Variants in MTUS1 observed in about 807,000 individuals in gnomAD.
MTUS1 encodes the protein microtubule-associated tumor suppressor 1.
A neutral mutation model predicts 120.8 loss-of-function variants in MTUS1; 109 were observed. That is an observed-to-expected ratio of 0.90 (90% confidence interval 0.77 to 1.06). The LOEUF is 1.06. Ranked by LOEUF, MTUS1 falls within the 50% of genes least tolerant of loss-of-function variation. MTUS1 has a pLI of 0.00. For missense variants in MTUS1, 2,210 were observed against 1,486.3 expected (o/e 1.49, Z -8.01); for synonymous variants, 737 against 550.5 (o/e 1.34, Z -4.74).
intron 4 of MTUS1, among the ~76,000 whole-genome samples, chr8:17,716,995 T>C (rs1310422076): frequency 1.1e-4 from 17 of 152,240 alleles, no homozygotes; most frequent in Admixed American, 6.5e-4. Context: ...GATACCTACC[T>C]TGTTTACAAA....
intron 13 of MTUS1, 73 bp from the exon 14 acceptor site, chr8:17,647,152 C>A (rs184419496): frequency 3.6e-6 from 4 of 1,122,636 alleles, no homozygotes; most frequent in Non-Finnish European, 4.0e-6. Context: ...AGGCACCTCA[C>A]GACACAAGCA....
chr8:17,788,823 T>A (rs1401146236), intron 1 of MTUS1, among the ~76,000 whole-genome samples: 2 of 152,134 alleles, frequency 1.3e-5, no homozygotes, highest in East Asian at 1.9e-4. Flanking sequence ...ACCTTTGTCA[T>A]GAAAATCAGT....
rs1280557510 is a variant in MTUS1 at position 17,644,954 on chromosome 8, G to C, written c.*972C>G. 1 of 152,336 alleles carries C rather than the reference G, an allele frequency of 6.6e-6. No individual in the cohort carries two copies. The highest frequency in any genetic ancestry group is 1.5e-5 in the Non-Finnish European group (1 of 68,028). 9.4% of individuals were successfully genotyped at this position (152,336 alleles called of 1,614,324 possible). ...GTGGAGAAAGGTAAAAGGAAAATGA[G>C]AATAATGGGAGGGAAGAAGACAGGT... On this transcript the variant is annotated 3_prime_UTR_variant, in exon 15 of 15. Coordinates refer to ENST00000693296, the MANE Select transcript of MTUS1 (RefSeq NM_001363059.2).
intron 4 of MTUS1, among the ~76,000 whole-genome samples, chr8:17,718,938 G>A (rs1469772054): frequency 6.6e-6 from 1 of 151,756 alleles, no homozygotes; most frequent in Non-Finnish European, 1.5e-5. Context: ...GGGAAGACAA[G>A]GTGGGCAGAT....
rs1037058827 is a variant in MTUS1 at position 17,644,632 on chromosome 8, C to T, written c.*1294G>A. 1 of 152,224 alleles carries T rather than the reference C, an allele frequency of 6.6e-6. No homozygotes were observed. The highest frequency in any genetic ancestry group is 6.5e-5 in the Admixed American group (1 of 15,272). The allele number at this position is 152,224 out of a possible 1,614,324, so 9.4% of individuals were successfully genotyped here. ...GACAAAGGGACTCCTTAAAGGGTAA[C>T]TGAAAAATGAGCGCTATCCTCCCAG... On this transcript the variant is annotated 3_prime_UTR_variant, in exon 15 of 15. Transcript: ENST00000693296.
rs554855476 is a variant in MTUS1, at chr8:17,646,088, C to T, written c.3651G>A (p.Ser1217=). ...CCATAGAGAGTCGCTTGTTGACTTT[C>T]GACTCCTTCTCCAGCGACTCTTGCA... ...AVLQESLEKE[S]KVNKRLSMEN... Residue 1217 remains serine, a synonymous_variant, in exon 15 of 15, where the codon TCG becomes TCA. Coordinates refer to ENST00000693296, the MANE Select transcript of MTUS1 (RefSeq NM_001363059.2). 15 of 1,604,064 alleles carry T rather than the reference C, an allele frequency of 9.4e-6. No individual in the cohort carries two copies. The highest frequency in any genetic ancestry group is 4.0e-5 in the African/African-American group (3 of 74,464).
At chr8:17,749,389 T>C (rs1586148778) in intron 2 of MTUS1, among the ~76,000 whole-genome samples, 2 of 152,152 alleles carry the variant, frequency 1.3e-5, no homozygotes, top group South Asian at 2.1e-4. Flanking sequence ...CTGGGGGTGG[T>C]GGCTCAAACC....
Position 17,754,888 on chromosome 8 carries a change from A to G in MTUS1, c.920T>C (p.Leu307Ser). ...ATGGGATAAACAAAAGAACTCTTGTAATGCAGAATCATTGGGGACTTCCAT... is the reference window on the plus strand; with the variant it reads ...ATGGGATAAACAAAAGAACTCTTGTGATGCAGAATCATTGGGGACTTCCAT... ...DGMEVPNDSALQEFFCLSHDE... is the reference protein window; with the variant it reads ...DGMEVPNDSASQEFFCLSHDE... Residue 307 changes from leucine to serine, a missense_variant, in exon 2 of 15, where the codon TTA becomes TCA. Coordinates refer to ENST00000693296, the MANE Select transcript of MTUS1 (RefSeq NM_001363059.2). 1 of 1,614,234 alleles carries G rather than the reference A, an allele frequency of 6.2e-7. No individual in the cohort carries two copies. Among genetic ancestry groups the G allele is most frequent in the Non-Finnish European group, 8.5e-7 (1 of 1,180,044 alleles).
intron 8 of MTUS1, among the ~76,000 whole-genome samples, chr8:17,672,731 G>A (rs1812280215): frequency 6.6e-6 from 1 of 152,182 alleles, no homozygotes; most frequent in East Asian, 1.9e-4. Context: ...GGGTGACTGG[G>A]GATCTGGATA....
At chr8:17,721,335 T>G (rs1169322175) in intron 4 of MTUS1, among the ~76,000 whole-genome samples, 3 of 152,204 alleles carry the variant, frequency 2.0e-5, no homozygotes, top group African/African-American at 4.8e-5. Context: ...AAAATAAAGA[T>G]GTGATGTTTC....
chr8:17,790,562 A>G (rs1199226300), intron 1 of MTUS1, among the ~76,000 whole-genome samples: 1 of 152,168 alleles, frequency 6.6e-6, no homozygotes, highest in Non-Finnish European at 1.5e-5. Context: ...CTAACTGTCA[A>G]TTTTTCACTT....
At chr8:17,722,405 T>G in intron 4 of MTUS1, 1 of 984,888 alleles carries the variant, frequency 1.0e-6, no homozygotes, top group Non-Finnish European at 1.2e-6. Context: ...CTTAAAATAA[T>G]ACACGTGTGA....
chr8:17,793,367 G>A (rs891775792), intron 1 of MTUS1, among the ~76,000 whole-genome samples: 2 of 152,134 alleles, frequency 1.3e-5, no homozygotes, highest in African/African-American at 4.8e-5. Context: ...TGCTGAGTAT[G>A]AAACAATGGA....
rs1271870916 is a variant in MTUS1 at position 17,649,952 on chromosome 8, T to A, written c.3395A>T (p.Gln1132Leu). Reference protein sequence around the residue: ...AREKANLKNPQIMYLEQELES... With the variant: ...AREKANLKNPLIMYLEQELES... ...TAACTCCTGTTCTAGATACATGATC[T>A]GAGGATTTTTCTGGAAAGGACACAG... The change falls in exon 13 of 15, where the codon CAG (glutamine) becomes CTG (leucine). Residue 1132 changes from glutamine (Q) to leucine (L), a missense_variant. Coordinates refer to ENST00000693296, the MANE Select transcript of MTUS1 (RefSeq NM_001363059.2). The A allele has an allele frequency of 6.3e-7, 1 of 1,590,534 alleles. No homozygotes were observed. Among genetic ancestry groups the A allele is most frequent in the Non-Finnish European group, 8.6e-7 (1 of 1,158,948 alleles).
At chr8:17,702,329 T>C (rs1359159657) in intron 6 of MTUS1, among the ~76,000 whole-genome samples, 1 of 152,210 alleles carries the variant, frequency 6.6e-6, no homozygotes, top group Non-Finnish European at 1.5e-5. Context: ...TATTCCTTAG[T>C]CCTTCATATA....
chr8:17,659,264 A>G (rs370646082), intron 8 of MTUS1, among the ~76,000 whole-genome samples: 3 of 152,308 alleles, frequency 2.0e-5, no homozygotes, highest in African/African-American at 4.8e-5. Context: ...ACTGGAAGAG[A>G]CAACAGACAG....
chr8:17,774,851 G>C (rs2050286919), intron 1 of MTUS1, among the ~76,000 whole-genome samples: 1 of 151,228 alleles, frequency 6.6e-6, no homozygotes, highest in Admixed American at 6.6e-5. Context: ...GGCCACCACT[G>C]ACAGATGAGT....
intron 1 of MTUS1, among the ~76,000 whole-genome samples, chr8:17,757,123 A>C (rs2048686231): frequency 6.6e-6 from 1 of 152,212 alleles, no homozygotes; most frequent in South Asian, 2.1e-4. Flanking sequence ...CACTATTCAT[A>C]ATAGTCATAA....
chr8:17,669,602 T>C (rs960411184), intron 8 of MTUS1, among the ~76,000 whole-genome samples: 4 of 152,080 alleles, frequency 2.6e-5, no homozygotes, highest in Admixed American at 1.3e-4. Flanking sequence ...TCCCAACACT[T>C]TGGGAGGCCG....
Sources: allele counts gnomAD v4.1 joint callset (sites outside exome capture counted in the v4.1 genomes callset), GRCh38; gene constraint gnomAD v4.1.1; transcripts MANE v1.5; gene names NCBI Gene and HGNC (gene_info 2026-07-23, HGNC 2026-07-21).